The following AP2B1 variants were observed in gnomAD, a reference collection of about 807,000 sequenced individuals.
The protein encoded by AP2B1 is adaptor related protein complex 2 subunit beta 1, also known as AP-2 complex subunit beta.
Under a neutral mutation model 102.0 loss-of-function variants are expected in AP2B1, and 23 were observed. That is an observed-to-expected ratio of 0.23 (90% confidence interval 0.16 to 0.32). The LOEUF (loss-of-function observed/expected upper bound fraction) is 0.32. Ranked by LOEUF, AP2B1 falls within the 10% of genes least tolerant of loss-of-function variation. AP2B1 has a pLI of 1.00. For synonymous variants in AP2B1, 381 were observed against 421.2 expected, an observed-to-expected ratio of 0.90 and a Z score of 1.17; for missense variants, 541 against 1,157.4, an observed-to-expected ratio of 0.47 and a Z score of 7.73.
At chr17:35,595,710 C>A (rs895979749) in intron 2 of AP2B1, among the ~76,000 whole-genome samples, 9 of 152,140 alleles carry the variant, frequency 5.9e-5, no homozygotes, top group African/African-American at 2.2e-4. Context: ...GACTTTGCCT[C>A]TTTTAGTACC....
At chr17:35,651,283 T>A (rs1334930985) in intron 13 of AP2B1, among the ~76,000 whole-genome samples, 1 of 149,306 alleles carries the variant, frequency 6.7e-6, no homozygotes, top group Non-Finnish European at 1.5e-5. Flanking sequence ...TTGTTTTATT[T>A]AAAAAAAAAA....
chr17:35,715,031 T>C (rs971860501), intron 20 of AP2B1, among the ~76,000 whole-genome samples: 13 of 152,364 alleles, frequency 8.5e-5, no homozygotes, highest in Admixed American at 6.5e-4. Context: ...CCATTCATCA[T>C]ACATTTAGCA....
intron 18 of AP2B1, among the ~76,000 whole-genome samples, chr17:35,693,064 C>G (rs2076072302): frequency 6.6e-6 from 1 of 152,128 alleles, no homozygotes; most frequent in South Asian, 2.1e-4. Flanking sequence ...GTTGCCCAGG[C>G]TGGAGTACAA....
chr17:35,715,987 G>T (rs1217601281), intron 20 of AP2B1, among the ~76,000 whole-genome samples: 1 of 152,170 alleles, frequency 6.6e-6, no homozygotes, highest in East Asian at 1.9e-4. Context: ...ATGGTATTAT[G>T]TAAATATTGG....
At chr17:35,709,151 A>G (rs1378616929) in intron 18 of AP2B1, 73 bp from the exon 19 acceptor site, 13 of 1,319,512 alleles carry the variant, frequency 9.9e-6, no homozygotes, top group Non-Finnish European at 1.2e-5. Context: ...CTATTTCTAG[A>G]CACAGCGCTG....
At chr17:35,658,205 T>G (rs2075276312) in intron 14 of AP2B1, among the ~76,000 whole-genome samples, 1 of 152,050 alleles carries the variant, frequency 6.6e-6, no homozygotes, top group Admixed American at 6.5e-5. Flanking sequence ...CTTTCAAACC[T>G]TTGCCTTTTT....
At chr17:35,631,586 A>G (rs1331075528) in intron 9 of AP2B1, among the ~76,000 whole-genome samples, 2 of 151,932 alleles carry the variant, frequency 1.3e-5, no homozygotes, top group African/African-American at 2.4e-5. Context: ...TACTAGTAAT[A>G]TCATGGACAT....
At position 35,654,187 on chromosome 17, in the gene AP2B1, G is replaced by C. The variant is rs1347110696; in HGVS notation, c.1796+3398G>C. Reference sequence around the variant, plus strand: ...AGTGATTCTTGTGCCTCAGCCTCCTGAGTGGCTGGGACTACAGCTGCCTCC... The same window carrying C: ...AGTGATTCTTGTGCCTCAGCCTCCTCAGTGGCTGGGACTACAGCTGCCTCC... On this transcript the variant is annotated intron_variant, in intron 13 of 21. Transcript: ENST00000610402. Among the ~76,000 whole-genome samples, 19 of 151,864 alleles carry C rather than the reference G, an allele frequency of 1.3e-4. 1 individual carries two copies. The East Asian group carries it at 2.7e-3, about 22-fold the overall frequency.
At chr17:35,590,364 G>A (rs1009361284) in intron 1 of AP2B1, among the ~76,000 whole-genome samples, 1 of 152,110 alleles carries the variant, frequency 6.6e-6, no homozygotes, top group Admixed American at 6.6e-5. Flanking sequence ...ATATATATAT[G>A]TGATTTTTTT....
intron 5 of AP2B1, among the ~76,000 whole-genome samples, chr17:35,614,707 C>A (rs2073965314): frequency 6.8e-6 from 1 of 146,796 alleles, no homozygotes. Flanking sequence ...TGTTCTTCTG[C>A]ATAAGCAGCA....
rs1555586899 is a variant in AP2B1 at position 35,710,325 on chromosome 17, G to A, written c.2626+5G>A. On this transcript the variant is annotated splice_donor_5th_base_variant and intron_variant, in intron 20 of 21. Coordinates refer to ENST00000610402, the MANE Select transcript of AP2B1 (RefSeq NM_001030006.2). ...AGGAATGTCATTTAAATGCTGGTGA[G>A]TAATATACTCTAAATTTCAGTTTCA... The A allele has an allele frequency of 1.3e-6, 2 of 1,564,626 alleles. No individual in the cohort carries two copies.
chr17:35,717,743 A>G (rs782767606), intron 21 of AP2B1, among the ~76,000 whole-genome samples: 1 of 152,230 alleles, frequency 6.6e-6, no homozygotes, highest in African/African-American at 2.4e-5. Context: ...GTTGGAGTTC[A>G]TGACCTAAGG....
At chr17:35,689,269 T>A (rs1428129245) in intron 18 of AP2B1, among the ~76,000 whole-genome samples, 1 of 152,154 alleles carries the variant, frequency 6.6e-6, no homozygotes, top group African/African-American at 2.4e-5. Context: ...AACCTCTGCC[T>A]CCCGGGTTCA....
intron 21 of AP2B1, among the ~76,000 whole-genome samples, chr17:35,722,656 G>A (rs1555593533): frequency 2.0e-5 from 3 of 152,112 alleles, no homozygotes; most frequent in Non-Finnish European, 4.4e-5. Context: ...GAATAAAGAG[G>A]TAAAATAGTC....
At chr17:35,706,515 T>G (rs2076343098) in intron 18 of AP2B1, among the ~76,000 whole-genome samples, 1 of 152,214 alleles carries the variant, frequency 6.6e-6, no homozygotes, top group Admixed American at 6.5e-5. Flanking sequence ...GATACAGGTC[T>G]TCAGTTAAGA....
intron 20 of AP2B1, among the ~76,000 whole-genome samples, chr17:35,714,058 T>C (rs188508560): frequency 8.5e-5 from 13 of 152,358 alleles, no homozygotes; most frequent in African/African-American, 2.6e-4. Context: ...CGAACAGTTC[T>C]ACAAACCAGT....
At chr17:35,709,426 A>G (rs1423384530) in intron 19 of AP2B1, 118 bp downstream of exon 19, 2 of 781,960 alleles carry the variant, frequency 2.6e-6, no homozygotes, top group African/African-American at 3.4e-5. Context: ...TGGGTTAAGG[A>G]TATTCTAAAG....
At chr17:35,695,089 C>G (rs898102130) in intron 18 of AP2B1, among the ~76,000 whole-genome samples, 1 of 152,142 alleles carries the variant, frequency 6.6e-6, no homozygotes, top group Non-Finnish European at 1.5e-5. Flanking sequence ...TGGTCCCTTT[C>G]GGCTTATCTG....
At chr17:35,704,913 C>T (rs1450390651) in intron 18 of AP2B1, among the ~76,000 whole-genome samples, 1 of 152,090 alleles carries the variant, frequency 6.6e-6, no homozygotes, top group Non-Finnish European at 1.5e-5. Context: ...CGCCTGTAAT[C>T]CCAGCTACTC....
Sources: allele counts gnomAD v4.1 joint callset (sites outside exome capture counted in the v4.1 genomes callset), GRCh38; gene constraint gnomAD v4.1.1; transcripts MANE v1.5; gene names NCBI Gene and HGNC (gene_info 2026-07-23, HGNC 2026-07-21).